GPD2: variants seen among roughly 807,000 people sequenced by gnomAD.
GPD2 encodes glycerol-3-phosphate dehydrogenase 2.
Under a neutral mutation model 82.4 loss-of-function variants are expected in GPD2, and 54 were observed. The observed-to-expected ratio is 0.66, with a 90% confidence interval of 0.53 to 0.82. The LOEUF is 0.82. Ranked by LOEUF, GPD2 falls within the 40% of genes least tolerant of loss-of-function variation. The pLI is 0.00. For missense variants in GPD2, 748 were observed against 896.2 expected, an observed-to-expected ratio of 0.83 and a Z score of 2.11; for synonymous variants, 288 against 306.1, an observed-to-expected ratio of 0.94 and a Z score of 0.62.
In GPD2 at chr2:156,539,319, G is replaced by C. The variant is rs544343116; in HGVS notation, c.662-10289G>C. ...GATGAAACAGACTCTGATGAGGAAAGGGACGTCCCCAGAACCTGAGTTAGT... is the reference window on the plus strand; with the variant it reads ...GATGAAACAGACTCTGATGAGGAAACGGACGTCCCCAGAACCTGAGTTAGT... On this transcript the variant is annotated intron_variant, in intron 6 of 16. Coordinates refer to ENST00000438166, the MANE Select transcript of GPD2 (RefSeq NM_000408.5). Among the ~76,000 whole-genome samples, 3 of 152,304 alleles carry C rather than the reference G, an allele frequency of 2.0e-5. No individual in the cohort carries two copies. In the East Asian group the frequency reaches 5.8e-4, roughly 29 times the overall value.
intron 2 of GPD2, among the ~76,000 whole-genome samples, chr2:156,495,064 G>A (rs939633312): frequency 2.0e-5 from 3 of 152,156 alleles, no homozygotes; most frequent in African/African-American, 4.8e-5. Context: ...GTAATAATGG[G>A]CTGGGTGCAG....
chr2:156,522,045 A>G (rs1163033514), intron 6 of GPD2, among the ~76,000 whole-genome samples: 1 of 152,154 alleles, frequency 6.6e-6, no homozygotes, highest in African/African-American at 2.4e-5. Flanking sequence ...GAAGTTTGAC[A>G]TGTACCCCTA....
chr2:156,493,740 T>C (rs776947475), intron 2 of GPD2, among the ~76,000 whole-genome samples: 3 of 152,142 alleles, frequency 2.0e-5, no homozygotes, highest in Admixed American at 6.6e-5. Context: ...ATCTTTCTGA[T>C]GTGTGAAAAT....
intron 1 of GPD2, among the ~76,000 whole-genome samples, chr2:156,448,400 C>T (rs1377702870): frequency 1.3e-5 from 2 of 152,226 alleles, no homozygotes; most frequent in Admixed American, 1.3e-4. Context: ...GCGTGAGCCA[C>T]TGCGCCTGGC....
At chr2:156,482,361 T>A (rs1683763248) in intron 2 of GPD2, among the ~76,000 whole-genome samples, 1 of 152,202 alleles carries the variant, frequency 6.6e-6, no homozygotes, top group African/African-American at 2.4e-5. Flanking sequence ...ATAAGTTCCT[T>A]GAATTTCCCA....
At chr2:156,479,489 A>C (rs1226651724) in intron 2 of GPD2, among the ~76,000 whole-genome samples, 2 of 152,198 alleles carry the variant, frequency 1.3e-5, no homozygotes, top group African/African-American at 4.8e-5. Flanking sequence ...CCCACTGTTG[A>C]GCCAAGTGAA....
At chr2:156,463,228 A>G (rs1683047732) in intron 1 of GPD2, among the ~76,000 whole-genome samples, 1 of 152,232 alleles carries the variant, frequency 6.6e-6, no homozygotes, top group African/African-American at 2.4e-5. Context: ...TTAAGAAGCC[A>G]AAGTGTGACT....
intron 3 of GPD2, among the ~76,000 whole-genome samples, chr2:156,502,057 T>C (rs115202337): frequency 0.018 from 2,749 of 152,192 alleles, 93 homozygotes; most frequent in African/African-American, 0.062. Context: ...ATTAGTTACT[T>C]AATAAATGAT....
chr2:156,466,463 C>G (rs1008582835), intron 1 of GPD2, among the ~76,000 whole-genome samples: 3 of 152,020 alleles, frequency 2.0e-5, no homozygotes, highest in Non-Finnish European at 2.9e-5. Context: ...GAAAAAGGGT[C>G]AAATTTGTGA....
intron 6 of GPD2, among the ~76,000 whole-genome samples, chr2:156,538,464 C>T (rs1244196106): frequency 6.8e-6 from 1 of 148,072 alleles, no homozygotes; most frequent in Non-Finnish European, 1.5e-5. Context: ...AAACAGATGA[C>T]TCAGATTGCT....
Position 156,549,725 on chromosome 2 carries a change from C to T in GPD2, c.779C>T (p.Thr260Ile). The change falls in exon 7 of 17, where the codon ACA (threonine) becomes ATA (isoleucine). Residue 260 changes from threonine to isoleucine, a missense_variant. This residue lies in a region of GPD2 where 692 missense variants were observed against 809.7 expected (regional missense o/e 0.85). Transcript: ENST00000438166. ...VSLLKKTDPQ[T>I]GKVRVSGARC... The stretch of plus-strand genomic sequence containing the variant: ...TTGCTCAAGAAGACAGACCCCCAGA[C>T]AGGGAAAGTGCGTGTGAGCGGCGCA... 2 of 1,614,026 alleles carry T rather than the reference C, an allele frequency of 1.2e-6. No individual in the cohort carries two copies. Among genetic ancestry groups the T allele is most frequent in the Non-Finnish European group, 1.7e-6 (2 of 1,179,874 alleles).
At chr2:156,582,009 A>T (rs1688044041) in intron 16 of GPD2, among the ~76,000 whole-genome samples, 1 of 152,184 alleles carries the variant, frequency 6.6e-6, no homozygotes, top group Admixed American at 6.6e-5. Context: ...ATGTGTGTAT[A>T]TATTTATATG....
chr2:156,554,784 G>A (rs1244199259), intron 8 of GPD2, among the ~76,000 whole-genome samples: 1 of 152,100 alleles, frequency 6.6e-6, no homozygotes, highest in Non-Finnish European at 1.5e-5. Flanking sequence ...CTGACAAGAG[G>A]TCAATTTTTT....
intron 2 of GPD2, among the ~76,000 whole-genome samples, chr2:156,489,350 C>T (rs561825449): frequency 2.2e-4 from 34 of 152,214 alleles, no homozygotes; most frequent in African/African-American, 4.1e-4. Flanking sequence ...CATTCTAGTG[C>T]GACTTCTAGT....
chr2:156,400,296 C>A, the GPD2 span, among the ~76,000 whole-genome samples: 1 of 152,244 alleles, frequency 6.6e-6, no homozygotes, highest in African/African-American at 2.4e-5. Flanking sequence ...CCATGAGCAC[C>A]CGAGGCGACG....
chr2:156,538,718 G>A (rs1686178696), intron 6 of GPD2, among the ~76,000 whole-genome samples: 1 of 151,532 alleles, frequency 6.6e-6, no homozygotes, highest in African/African-American at 2.4e-5. Flanking sequence ...CTACTCGGGA[G>A]GCTGAGGCAG....
intron 2 of GPD2, among the ~76,000 whole-genome samples, chr2:156,492,781 A>G (rs1452750005): frequency 6.6e-6 from 1 of 152,190 alleles, no homozygotes; most frequent in East Asian, 1.9e-4. Flanking sequence ...TTGAGCAGAT[A>G]TAGGACTTAA....
the GPD2 span, among the ~76,000 whole-genome samples, chr2:156,416,977 T>A: frequency 6.6e-6 from 1 of 152,168 alleles, no homozygotes; most frequent in African/African-American, 2.4e-5. Flanking sequence ...AATTTAAATT[T>A]AAATTTAAAA....
chr2:156,490,067 C>A (rs1352133498), intron 2 of GPD2, among the ~76,000 whole-genome samples: 1 of 152,050 alleles, frequency 6.6e-6, no homozygotes, highest in Admixed American at 6.6e-5. Context: ...TCCCAAATTC[C>A]TGTGTAATCA....
Sources: allele counts gnomAD v4.1 joint callset (sites outside exome capture counted in the v4.1 genomes callset), GRCh38; gene constraint gnomAD v4.1.1; regional missense constraint gnomAD v4.1.1; transcripts MANE v1.5; gene names NCBI Gene and HGNC (gene_info 2026-07-23, HGNC 2026-07-21).